The following MOV10 variants were observed in gnomAD, a reference collection of about 807,000 sequenced individuals.
The protein encoded by MOV10 is RNA helicase MOV-10.
Under a neutral mutation model 108.4 loss-of-function variants are expected in MOV10, and 39 were observed. That is an observed-to-expected ratio of 0.36 (90% CI 0.28 to 0.47). MOV10 has a LOEUF of 0.47. Among genes scored for constraint, MOV10 ranks in the 20% least tolerant of loss-of-function variants. The probability of loss-of-function intolerance (pLI) is 1.00; values close to 1 mark genes in which losing one functional copy is unlikely to be tolerated. For synonymous variants in MOV10, 490 were observed against 523.1 expected, an observed-to-expected ratio of 0.94 and a Z score of 0.86; for missense variants, 952 against 1,297.6, an observed-to-expected ratio of 0.73 and a Z score of 4.09.
At position 112,692,965 on chromosome 1, in the gene MOV10, C is replaced by G. The variant is rs768689795; in HGVS notation, c.1140+36C>G. ...AGATTGAGTGTGAGGAGGGTGGGCT[C>G]AAGCCAGCCAAGCTAGAGGCTGTGG... On this transcript the variant is annotated intron_variant, in intron 7 of 20. Coordinates refer to ENST00000369645, the MANE Select transcript of MOV10 (RefSeq NM_001321324.2). 45 of 1,562,680 alleles carry G rather than the reference C, an allele frequency of 2.9e-5. No individual in the cohort carries two copies. In the South Asian group the frequency reaches 5.2e-4, roughly 18 times the overall value.
chr1:112,696,694 G>A lies in MOV10; in HGVS notation c.2046G>A (p.Arg682=). 1 of 1,609,322 alleles carries A rather than the reference G, an allele frequency of 6.2e-7. No individual in the cohort carries two copies. The highest frequency in any genetic ancestry group is 8.5e-7 in the Non-Finnish European group (1 of 1,177,946). The part of the protein sequence containing the change: ...GGQLVLAGDP[R]QLGPVLRSPL... Reference sequence around the variant, plus strand: ...AGCTGGTGCTGGCAGGAGACCCTCGGCAGCTGGGGCCTGTGCTGCGTTCCC... The same window carrying A: ...AGCTGGTGCTGGCAGGAGACCCTCGACAGCTGGGGCCTGTGCTGCGTTCCC... The change falls in exon 14 of 21, where the codon CGG becomes CGA. Residue 682 remains arginine (R), a synonymous_variant. Coordinates refer to ENST00000369645, the MANE Select transcript of MOV10 (RefSeq NM_001321324.2).
intron 17 of MOV10, chr1:112,699,483 G>C: frequency 7.0e-7 from 1 of 1,424,844 alleles, no homozygotes; most frequent in Non-Finnish European, 9.2e-7. Flanking sequence ...CCAGCCCTCA[G>C]CAGGATTCAA....
At position 112,694,679 on chromosome 1, in the gene MOV10, G is replaced by A. The variant is rs1246972925; in HGVS notation, c.1472+50G>A. 6.9e-6 allele frequency: 11 copies of A among 1,593,928 alleles called. No individual in the cohort carries two copies. In the East Asian group the frequency reaches 2.2e-4, roughly 32 times the overall value. On this transcript the variant is annotated intron_variant, in intron 9 of 20. Coordinates refer to ENST00000369645, the MANE Select transcript of MOV10 (RefSeq NM_001321324.2). This position sits in a 1 kb window ranked among gnomAD's most constrained non-coding sequence, Gnocchi z 4.1. Reference sequence around the variant, plus strand: ...TGGAGCCACTTGGAGTGTGGGCACAGGGGGTGGAGTCAGGGAGGCCTCTGG... The same window carrying A: ...TGGAGCCACTTGGAGTGTGGGCACAAGGGGTGGAGTCAGGGAGGCCTCTGG...
chr1:112,681,666 C>T (rs1214296176), intron 2 of MOV10, among the ~76,000 whole-genome samples: 1 of 152,058 alleles, frequency 6.6e-6, no homozygotes, highest in Non-Finnish European at 1.5e-5. Flanking sequence ...CAGTGAACAT[C>T]CACATACCCT....
chr1:112,695,763 G>A (rs990450691), intron 11 of MOV10, among the ~76,000 whole-genome samples, 189 bp downstream of exon 11: 1 of 152,078 alleles, frequency 6.6e-6, no homozygotes, highest in Non-Finnish European at 1.5e-5. Flanking sequence ...TTGGGGGGCT[G>A]GGTGCAGTGG....
intron 2 of MOV10, among the ~76,000 whole-genome samples, chr1:112,680,044 G>A (rs1180280695): frequency 6.6e-6 from 1 of 152,014 alleles, no homozygotes; most frequent in African/African-American, 2.4e-5. Context: ...AGAAATTTCA[G>A]GCAGCTTGTC....
intron 5 of MOV10, among the ~76,000 whole-genome samples, chr1:112,690,494 G>A (rs113295801): frequency 0.018 from 2,670 of 152,114 alleles, 70 homozygotes; most frequent in East Asian, 0.093. Flanking sequence ...TGAGTAGCTG[G>A]GATTACAGGC....
chr1:112,682,164 G>A (rs187773895), intron 2 of MOV10, among the ~76,000 whole-genome samples: 14 of 152,312 alleles, frequency 9.2e-5, no homozygotes, highest in Non-Finnish European at 1.9e-4. Context: ...CAAAGTGCTG[G>A]GATTACAGGC....
In MOV10 at chr1:112,674,835, C is replaced by T; in HGVS notation, c.-65-13C>T. ...TCCTGCTGCACCCTCATCTCAGGGC[C>T]GCCAACTTCCAGCTGCAGCGGCGAC... is the stretch of plus-strand genomic sequence containing the variant. On this transcript the variant is annotated splice_polypyrimidine_tract_variant and intron_variant, in intron 1 of 20. Transcript: ENST00000369645. The T allele has an allele frequency of 6.9e-7, 1 of 1,451,286 alleles. No homozygotes were observed. The highest frequency in any genetic ancestry group is 9.2e-7 in the Non-Finnish European group (1 of 1,089,996). 89.9% of individuals were successfully genotyped at this position (1,451,286 alleles called of 1,614,324 possible). A position where few individuals can be genotyped will look rare whatever the true frequency, so the allele number is the denominator to read the frequency against.
At chr1:112,684,626 T>C (rs1192054210) in intron 2 of MOV10, among the ~76,000 whole-genome samples, 3 of 152,190 alleles carry the variant, frequency 2.0e-5, no homozygotes, top group Non-Finnish European at 2.9e-5. Context: ...TGCCAGATTG[T>C]TTTCCCAAAA....
rs866717111 is a variant in MOV10, at chr1:112,692,749, C to T, written c.972-12C>T. The T allele has an allele frequency of 6.2e-7, 1 of 1,613,482 alleles. No individual in the cohort carries two copies. Among genetic ancestry groups the T allele is most frequent in the Admixed American group, 1.7e-5 (1 of 60,010 alleles). On this transcript the variant is annotated splice_polypyrimidine_tract_variant and intron_variant, in intron 6 of 20. Transcript: ENST00000369645. ...CCTGCCCCCACTCACCCCTCCCAAC[C>T]ATCATTTCCAGGGCCCAGCTGGAGA...
chr1:112,687,976 GTAATGCC>G (rs1267468206), intron 2 of MOV10, among the ~76,000 whole-genome samples: 1 of 152,002 alleles, frequency 6.6e-6, no homozygotes, highest in East Asian at 1.9e-4. Flanking sequence ...TTGTGCCCAG[GTAATGCC>G]CACTCATCCT....
intron 1 of MOV10, 58 bp downstream of exon 1, chr1:112,674,787 G>A: frequency 1.1e-6 from 1 of 904,430 alleles, no homozygotes; most frequent in South Asian, 1.8e-5. Flanking sequence ...GCAGGATCAG[G>A]GGTCAGAGTT....
rs761479781 is a variant in MOV10, at chr1:112,692,753, AT to A, written c.972-5del. 1.2e-5 allele frequency: 19 copies of A among 1,613,522 alleles called. No individual in the cohort carries two copies. The highest frequency in any genetic ancestry group is 1.5e-5 in the Non-Finnish European group (18 of 1,179,862). On this transcript the variant is annotated splice_region_variant and splice_polypyrimidine_tract_variant and intron_variant, in intron 6 of 20. Coordinates refer to ENST00000369645, the MANE Select transcript of MOV10 (RefSeq NM_001321324.2). ...CCCCCACTCACCCCTCCCAACCATC[AT>A]TTCCAGGGCCCAGCTGGAGACAGCC...
rs760298300 is a variant in MOV10 at position 112,689,615 on chromosome 1, A to G, written c.542A>G (p.Asn181Ser). The change falls in exon 4 of 21, where the codon AAT (asparagine) becomes AGT (serine). Residue 181 changes from asparagine (N) to serine (S), a missense_variant. Physicochemically the swap from Asn to Ser is conservative, Grantham distance 46. Transcript: ENST00000369645. Reference protein sequence around the residue: ...LCRTPQFAFYNEDQELPCPLG... With the variant: ...LCRTPQFAFYSEDQELPCPLG... ...CGGACACCCCAGTTTGCTTTCTACAATGAAGACCAGGAGTTGCCCTGTCCA... is the reference window on the plus strand; with the variant it reads ...CGGACACCCCAGTTTGCTTTCTACAGTGAAGACCAGGAGTTGCCCTGTCCA... The G allele has an allele frequency of 2.4e-5, 39 of 1,614,070 alleles. No homozygotes were observed. The highest frequency in any genetic ancestry group is 1.6e-4 in the Middle Eastern group (1 of 6,084).
chr1:112,690,135 GTAT>G, intron 5 of MOV10, 37 bp downstream of exon 5: 1 of 1,603,372 alleles, frequency 6.2e-7, no homozygotes, highest in Non-Finnish European at 8.5e-7. Flanking sequence ...GGCTGGGCTC[GTAT>G]CTCAACCACA....
intron 2 of MOV10, among the ~76,000 whole-genome samples, chr1:112,676,810 A>G (rs563935692): frequency 1.1e-4 from 17 of 152,304 alleles, no homozygotes; most frequent in African/African-American, 4.1e-4. Context: ...AGGTGGGCCT[A>G]AGACTGAAGG....
At chr1:112,693,907 G>T (rs971231015) in intron 7 of MOV10, 111 bp from the exon 8 acceptor site, 9 of 891,696 alleles carry the variant, frequency 1.0e-5, no homozygotes, top group Non-Finnish European at 1.4e-5. Flanking sequence ...TGAGTCTTAG[G>T]TTAGAAGGCC....
chr1:112,694,769 A>G lies in MOV10; in HGVS notation c.1493A>G (p.Glu498Gly), dbSNP rs1267346869. 6.2e-7 allele frequency: 1 copy of G among 1,614,048 alleles called. No individual in the cohort carries two copies. Among genetic ancestry groups the G allele is most frequent in the East Asian group, 2.2e-5 (1 of 44,884 alleles). ...GCCAGGCTGTACGACCGGAGTCTGG[A>G]GTCAAACCCAGAGCAGCTGCAGGCC... ...VKLKLYDRSL[E>G]SNPEQLQAMR... Residue 498 changes from glutamate to glycine, a missense_variant, in exon 10 of 21, where the codon GAG becomes GGG. Coordinates refer to ENST00000369645, the MANE Select transcript of MOV10 (RefSeq NM_001321324.2). This position sits in a 1 kb window ranked among gnomAD's most constrained non-coding sequence, Gnocchi z 4.1.
Sources: gnomAD v4.1 joint callset for allele counts (sites outside exome capture counted in the v4.1 genomes callset) on GRCh38, gnomAD v4.1.1 for gene constraint, Gnocchi (gnomAD v3.1) non-coding constraint, MANE v1.5 for transcripts, NCBI Gene and HGNC (gene_info 2026-07-23, HGNC 2026-07-21) for gene names.